Variants in GALNT5 observed in about 807,000 individuals in gnomAD.
GALNT5 encodes the protein UDP-GalNAc:polypeptide N-acetylgalactosaminyltransferase 5.
A neutral mutation model predicts 85.4 loss-of-function variants in GALNT5; 72 were observed. The ratio of observed to expected loss-of-function variants is 0.84; its 90% CI spans 0.70 to 1.03. The LOEUF is 1.03. GALNT5 is among the 50% of genes least tolerant of loss of function. The probability of loss-of-function intolerance (pLI) is 0.00; values close to 1 mark genes in which losing one functional copy is unlikely to be tolerated. For synonymous variants in GALNT5, 404 were observed against 397.0 expected (o/e 1.02, Z -0.21); for missense variants, 1,137 against 1,135.5 (o/e 1.00, Z -0.02).
chr2:157,261,863 C>T (rs1175072581), intron 1 of GALNT5, among the ~76,000 whole-genome samples: 1 of 151,766 alleles, frequency 6.6e-6, no homozygotes, highest in Non-Finnish European at 1.5e-5. Context: ...TTCAGCCTGG[C>T]TCAAAAAGCG....
rs554885965 is a variant in GALNT5, at chr2:157,271,613, G to A, written c.1454+12077G>A. Among the ~76,000 whole-genome samples, 9 of 152,306 alleles carry A rather than the reference G, an allele frequency of 5.9e-5. No homozygotes were observed. In the South Asian group the frequency reaches 1.9e-3, roughly 32 times the overall value. On this transcript the variant is annotated intron_variant, in intron 1 of 9. Transcript: ENST00000259056. Reference sequence around the variant, plus strand: ...TTGATTGTATTTATGGTCAGGAAGAGGGTGAAGTCTAGATGAGAATCCATA... The same window carrying A: ...TTGATTGTATTTATGGTCAGGAAGAAGGTGAAGTCTAGATGAGAATCCATA...
intron 7 of GALNT5, among the ~76,000 whole-genome samples, chr2:157,303,145 G>T (rs536215923): frequency 5.9e-5 from 9 of 152,026 alleles, no homozygotes; most frequent in African/African-American, 2.2e-4. Context: ...TTTTCTTATC[G>T]AACCAACAAT....
intron 5 of GALNT5, 23 bp downstream of exon 5, chr2:157,296,536 T>A: frequency 6.3e-7 from 1 of 1,580,974 alleles, no homozygotes; most frequent in Middle Eastern, 1.7e-4. Flanking sequence ...AATTTAAGAC[T>A]AGAAAGCAGT....
At position 157,311,489 on chromosome 2, in the gene GALNT5, A is replaced by C; in HGVS notation, c.*141A>C. The C allele has an allele frequency of 1.7e-6, 1 of 596,182 alleles. No individual in the cohort carries two copies. Among genetic ancestry groups the C allele is most frequent in the Non-Finnish European group, 2.8e-6 (1 of 356,520 alleles). The allele number at this position is 596,182 out of a possible 1,614,324, so 36.9% of individuals were successfully genotyped here. Reference sequence around the variant, plus strand: ...TGGAAGATTTTTTATAAATCACAATATTTGGAATACCAAAAGATGACTCAG... The same window carrying C: ...TGGAAGATTTTTTATAAATCACAATCTTTGGAATACCAAAAGATGACTCAG... On this transcript the variant is annotated 3_prime_UTR_variant, in exon 10 of 10. Transcript: ENST00000259056.
At chr2:157,305,613 G>T in intron 7 of GALNT5, 136 bp from the exon 8 acceptor site, 1 of 592,960 alleles carries the variant, frequency 1.7e-6, no homozygotes, top group Admixed American at 2.9e-5. Context: ...AATAAAACTG[G>T]ATAGTGCTAA....
intron 3 of GALNT5, among the ~76,000 whole-genome samples, chr2:157,294,345 G>A (rs371395311): frequency 6.6e-6 from 1 of 152,120 alleles, no homozygotes. Context: ...CCTGCCCAAG[G>A]AACCCAGCAC....
intron 3 of GALNT5, among the ~76,000 whole-genome samples, chr2:157,292,046 G>A (rs977554806): frequency 6.6e-6 from 1 of 151,970 alleles, no homozygotes; most frequent in South Asian, 2.1e-4. Context: ...TAAGTGATTG[G>A]GTTGATTATT....
At chr2:157,272,581 A>G (rs902192375) in intron 1 of GALNT5, among the ~76,000 whole-genome samples, 1 of 152,146 alleles carries the variant, frequency 6.6e-6, no homozygotes, top group African/African-American at 2.4e-5. Flanking sequence ...CTTTATGTCT[A>G]TGAGTACCCA....
chr2:157,279,488 G>C (rs987693194), intron 1 of GALNT5, among the ~76,000 whole-genome samples: 4 of 152,080 alleles, frequency 2.6e-5, no homozygotes, highest in Admixed American at 2.6e-4. Context: ...CACCCAGTTT[G>C]AGCTGCTTTG....
intron 3 of GALNT5, among the ~76,000 whole-genome samples, chr2:157,289,308 A>ATT (rs992475931): frequency 6.6e-6 from 1 of 152,194 alleles, no homozygotes; most frequent in African/African-American, 2.4e-5. Context: ...GAATTTAGCA[A>ATT]ATCTGAATGT....
intron 7 of GALNT5, chr2:157,302,200 T>C (rs1442362948): frequency 6.6e-6 from 1 of 152,242 alleles, no homozygotes; most frequent in Non-Finnish European, 1.5e-5. Flanking sequence ...AGGCCAAATT[T>C]TTTCAGTTCT....
In GALNT5 at chr2:157,286,893, AGTGTGTGTGTGTGTGTGT is replaced by A. The variant is rs3072178; in HGVS notation, c.1741+786_1741+803del. ...TCCTCACACACTTTGTTTAAATACC[AGTGTGTGTGTGTGTGTGT>A]GTGTGTGTGTGTGTGTGTGTGTGTG... On this transcript the variant is annotated intron_variant, in intron 3 of 9. Coordinates refer to ENST00000259056, the MANE Select transcript of GALNT5 (RefSeq NM_014568.3). Among the ~76,000 whole-genome samples, 11 of 135,826 alleles carry A rather than the reference AGTGTGTGTGTGTGTGTGT, an allele frequency of 8.1e-5. No individual in the cohort carries two copies. In the South Asian group the frequency reaches 1.2e-3, roughly 15 times the overall value. The allele number at this position is 135,826 out of a possible 152,430, so 89.1% of individuals were successfully genotyped here.
chr2:157,286,397 C>T (rs957610474), intron 3 of GALNT5, among the ~76,000 whole-genome samples: 16 of 152,220 alleles, frequency 1.1e-4, no homozygotes, highest in Admixed American at 9.8e-4. Context: ...GTGGGCAGCT[C>T]TGAAGAACAG....
chr2:157,278,716 A>T (rs921643841), intron 1 of GALNT5, among the ~76,000 whole-genome samples: 2 of 152,124 alleles, frequency 1.3e-5, no homozygotes, highest in African/African-American at 4.8e-5. Context: ...CCATTCGTCT[A>T]GTGTTTTTTC....
At chr2:157,288,812 T>C (rs1016321485) in intron 3 of GALNT5, among the ~76,000 whole-genome samples, 5 of 152,192 alleles carry the variant, frequency 3.3e-5, no homozygotes, top group African/African-American at 1.2e-4. Flanking sequence ...AGGAGGCTAC[T>C]ATAGTTGTCC....
In GALNT5 at chr2:157,295,803, T is replaced by C. The variant is rs1351454026; in HGVS notation, c.1877+5T>C. On this transcript the variant is annotated splice_donor_5th_base_variant and intron_variant, in intron 4 of 9. Transcript: ENST00000259056. ...CATCAATGATAAGGATATGAGGTAA[T>C]ATTTACACATTCCACAAGATACTTT... is the stretch of plus-strand genomic sequence containing the variant. 6.9e-6 allele frequency: 11 copies of C among 1,592,180 alleles called. No individual in the cohort carries two copies. Among genetic ancestry groups the C allele is most frequent in the Non-Finnish European group, 8.6e-6 (10 of 1,162,928 alleles).
intron 7 of GALNT5, among the ~76,000 whole-genome samples, chr2:157,303,273 G>A (rs994657785): frequency 6.6e-6 from 1 of 152,100 alleles, no homozygotes; most frequent in Non-Finnish European, 1.5e-5. Flanking sequence ...TAAATCCAGT[G>A]AAAGTTTTGG....
chr2:157,311,060 T>G, intron 9 of GALNT5, 148 bp from the exon 10 acceptor site: 3 of 667,246 alleles, frequency 4.5e-6, no homozygotes, highest in Admixed American at 5.3e-5. Context: ...TTTCAAAGTC[T>G]GTGTTTATGT....
chr2:157,317,550 T>C lies in GALNT5; in HGVS notation c.*6202T>C, dbSNP rs1416467214. ...TAAGTGAATTGTGTTAAAGATTGCC[T>C]GAAAACATTTGCTAAGGGGAGAATA... On this transcript the variant is annotated 3_prime_UTR_variant, in exon 10 of 10. Transcript: ENST00000259056. Among the ~76,000 whole-genome samples, 2 of 152,112 alleles carry C rather than the reference T, an allele frequency of 1.3e-5. No individual in the cohort carries two copies. The highest frequency in any genetic ancestry group is 2.9e-5 in the Non-Finnish European group (2 of 67,982).
Sources: gnomAD v4.1 joint callset for allele counts (sites outside exome capture counted in the v4.1 genomes callset) on GRCh38, gnomAD v4.1.1 for gene constraint, MANE v1.5 for transcripts, NCBI Gene and HGNC (gene_info 2026-07-23, HGNC 2026-07-21) for gene names.